Variants in DNAH8 observed in about 807,000 individuals in gnomAD.
DNAH8 encodes the protein axonemal beta dynein heavy chain 8.
In DNAH8, 382 loss-of-function variants were observed where a neutral mutation model predicts 562.1. The observed-to-expected ratio is 0.68, with a 90% CI of 0.63 to 0.74. The LOEUF is 0.74. Ranked by LOEUF, DNAH8 falls within the 30% of genes least tolerant of loss-of-function variation. The pLI is 0.00. For synonymous variants in DNAH8, 1,881 were observed against 1,919.4 expected, an observed-to-expected ratio of 0.98 and a Z score of 0.52; for missense variants, 5,203 against 5,620.4, an observed-to-expected ratio of 0.93 and a Z score of 2.37.
chr6:38,916,532 G>A (rs1166479312), intron 68 of DNAH8, among the ~76,000 whole-genome samples: 1 of 152,160 alleles, frequency 6.6e-6, no homozygotes, highest in Non-Finnish European at 1.5e-5. Flanking sequence ...GAGAATGCCT[G>A]CAATTGTTAA....
At chr6:38,802,021 C>T (rs12208869) in intron 21 of DNAH8, among the ~76,000 whole-genome samples, 52,365 of 151,248 alleles carry the variant, frequency 0.35, 9,647 homozygotes, top group Admixed American at 0.41. Flanking sequence ...TCACTGCTGC[C>T]TCCTGGGCTC....
In DNAH8 at chr6:38,874,068, T is replaced by C. The variant is rs199594663; in HGVS notation, c.7620+692T>C. Among the ~76,000 whole-genome samples, 201 of 57,070 alleles carry C rather than the reference T, an allele frequency of 3.5e-3. 14 individuals are homozygous for C. The highest frequency in any genetic ancestry group is 9.6e-3 in the African/African-American group (150 of 15,636). The allele number at this position is 57,070 out of a possible 152,430, so 37.4% of individuals were successfully genotyped here. A position where few individuals can be genotyped will look rare whatever the true frequency, so the allele number is the denominator to read the frequency against. ...TTTCTTTCTTTCTTTCTTTCTTTCT[T>C]TTTCTTTCTTTCTTTCTTTCTTTCT... On this transcript the variant is annotated intron_variant, in intron 52 of 92. Transcript: ENST00000327475.
At chr6:38,955,534 G>A (rs1020882775) in intron 82 of DNAH8, among the ~76,000 whole-genome samples, 7 of 152,068 alleles carry the variant, frequency 4.6e-5, no homozygotes, top group African/African-American at 1.7e-4. Flanking sequence ...GGGAGGCTGA[G>A]ACATGAGAAT....
chr6:38,953,004 C>A (rs184247643), intron 82 of DNAH8: 58 of 152,370 alleles, frequency 3.8e-4, no homozygotes, highest in African/African-American at 1.3e-3. Context: ...CTAAGCCTCA[C>A]TTCTCTCTGC....
intron 80 of DNAH8, among the ~76,000 whole-genome samples, chr6:38,946,169 C>G (rs1761403769): frequency 6.6e-6 from 1 of 152,128 alleles, no homozygotes. Flanking sequence ...GTTCTGTTGG[C>G]TGCAACTGCC....
intron 92 of DNAH8, among the ~76,000 whole-genome samples, chr6:39,027,370 G>T (rs1338754950): frequency 6.6e-6 from 1 of 152,240 alleles, no homozygotes; most frequent in Non-Finnish European, 1.5e-5. Flanking sequence ...TGGAGCCAGG[G>T]GCCAGTTCCA....
At chr6:38,728,938 G>A (rs1227746162) in intron 3 of DNAH8, among the ~76,000 whole-genome samples, 1 of 152,164 alleles carries the variant, frequency 6.6e-6, no homozygotes, top group African/African-American at 2.4e-5. Flanking sequence ...AGGTGTGGTG[G>A]CTAATACCTA....
chr6:39,008,558 G>C (rs1215591421), intron 88 of DNAH8, among the ~76,000 whole-genome samples: 2 of 152,084 alleles, frequency 1.3e-5, no homozygotes, highest in African/African-American at 4.8e-5. Context: ...GATTTCCAAG[G>C]GTGTTTTTGG....
intron 91 of DNAH8, among the ~76,000 whole-genome samples, chr6:39,026,040 T>G (rs1423298103): frequency 1.3e-5 from 2 of 152,220 alleles, no homozygotes; most frequent in Non-Finnish European, 2.9e-5. Context: ...ATTGCTTTGT[T>G]TGGTCAAATT....
intron 82 of DNAH8, among the ~76,000 whole-genome samples, chr6:38,963,253 C>CTTTTTTTTTTTTTTTTT: frequency 9.7e-6 from 1 of 102,580 alleles, no homozygotes; most frequent in Non-Finnish European, 2.0e-5. Context: ...AGTCCTTTTT[C>CTTTTTTTTTTTTTTTTT]TTTTTTTTTT....
At chr6:38,841,160 T>C (rs1353988125) in intron 33 of DNAH8, among the ~76,000 whole-genome samples, 2 of 152,170 alleles carry the variant, frequency 1.3e-5, no homozygotes, top group African/African-American at 4.8e-5. Context: ...AGCTCATGCC[T>C]ATAATCCCAG....
At chr6:38,894,538 T>C (rs1277465977) in intron 58 of DNAH8, among the ~76,000 whole-genome samples, 163 bp from the exon 59 acceptor site, 2 of 152,264 alleles carry the variant, frequency 1.3e-5, no homozygotes, top group Admixed American at 6.5e-5. Flanking sequence ...GGTTTATTTA[T>C]GATTTTTTTC....
At chr6:39,007,499 G>A (rs1765871055) in intron 88 of DNAH8, among the ~76,000 whole-genome samples, 1 of 152,226 alleles carries the variant, frequency 6.6e-6, no homozygotes, top group Non-Finnish European at 1.5e-5. Context: ...TATGTGAAGT[G>A]TATAGATGGT....
intron 65 of DNAH8, among the ~76,000 whole-genome samples, 161 bp from the exon 66 acceptor site, chr6:38,911,307 T>C (rs763365157): frequency 2.6e-5 from 4 of 152,172 alleles, no homozygotes; most frequent in Non-Finnish European, 5.9e-5. Context: ...CAGACAGATT[T>C]AGTCCTTTTT....
chr6:38,999,549 A>G (rs1252915360), intron 88 of DNAH8, among the ~76,000 whole-genome samples: 1 of 152,054 alleles, frequency 6.6e-6, no homozygotes, highest in African/African-American at 2.4e-5. Context: ...TTCACTCTCA[A>G]ATTATATCTT....
intron 17 of DNAH8, among the ~76,000 whole-genome samples, chr6:38,786,414 C>A (rs1266027179): frequency 6.6e-6 from 1 of 152,154 alleles, no homozygotes; most frequent in Non-Finnish European, 1.5e-5. Context: ...TGATTCTAAC[C>A]ATCTTCTGGT....
At chr6:38,727,821 T>G (rs373993209) in intron 3 of DNAH8, among the ~76,000 whole-genome samples, 2 of 152,158 alleles carry the variant, frequency 1.3e-5, no homozygotes, top group South Asian at 4.1e-4. Context: ...CTGCTCAAGA[T>G]AGTCTCTTTT....
At chr6:38,890,799 C>A (rs1297122845) in intron 58 of DNAH8, 38 bp downstream of exon 58, 2 of 1,396,038 alleles carry the variant, frequency 1.4e-6, no homozygotes, top group Non-Finnish European at 1.0e-6. Flanking sequence ...AAAAAGGCAA[C>A]TATTATTCAG....
In DNAH8 at chr6:38,909,728, G is replaced by C; in HGVS notation, c.9724G>C (p.Glu3242Gln). The change falls in exon 65 of 93, where the codon GAA (glutamate) becomes CAA (glutamine). Residue 3242 changes from glutamate to glutamine, a missense_variant. By Grantham distance (29) the Glu-to-Gln change is conservative. Coordinates refer to ENST00000327475, the MANE Select transcript of DNAH8 (RefSeq NM_001206927.2). ...LFHDMVSESC[E>Q]SYFQRYRRRA... ...TCATGACATGGTTTCAGAGAGCTGTGAAAGTTATTTCCAAAGGTAAGTGAT... is the reference window on the plus strand; with the variant it reads ...TCATGACATGGTTTCAGAGAGCTGTCAAAGTTATTTCCAAAGGTAAGTGAT... 6.2e-7 allele frequency: 1 copy of C among 1,613,980 alleles called. No individual in the cohort carries two copies. Among genetic ancestry groups the C allele is most frequent in the Non-Finnish European group, 8.5e-7 (1 of 1,179,890 alleles).
Sources: allele counts gnomAD v4.1 joint callset (sites outside exome capture counted in the v4.1 genomes callset), GRCh38; gene constraint gnomAD v4.1.1; transcripts MANE v1.5; gene names NCBI Gene and HGNC (gene_info 2026-07-23, HGNC 2026-07-21).